Variants in SH3KBP1 observed in about 807,000 individuals in gnomAD.
SH3KBP1 encodes SH3 domain-containing kinase-binding protein 1.
In SH3KBP1, 8 loss-of-function variants were observed where a neutral mutation model predicts 50.1. The ratio of observed to expected loss-of-function variants is 0.16; its 90% confidence interval spans 0.09 to 0.29. The LOEUF is 0.29. Among genes scored for constraint, SH3KBP1 ranks in the 10% least tolerant of loss-of-function variants. The pLI is 1.00. For synonymous variants in SH3KBP1, 227 were observed against 218.6 expected, an observed-to-expected ratio of 1.04 and a Z score of -0.34; for missense variants, 377 against 535.2, an observed-to-expected ratio of 0.70 and a Z score of 2.92.
At chrX:19,645,835 C>T (rs1374365504) in intron 6 of SH3KBP1, among the ~76,000 whole-genome samples, 2 of 111,590 alleles carry the variant, frequency 1.8e-5, no homozygotes, top group African/African-American at 3.3e-5. Context: ...GCTGGCCCAA[C>T]GGAGATGCTC....
At chrX:19,733,992 A>T (rs192191515) in intron 3 of SH3KBP1, among the ~76,000 whole-genome samples, 2 of 112,369 alleles carry the variant, frequency 1.8e-5, no homozygotes. Flanking sequence ...ACTTTTGTCC[A>T]GTAATTCCAC....
intron 4 of SH3KBP1, among the ~76,000 whole-genome samples, chrX:19,703,135 T>C (rs1409502282): frequency 1.8e-5 from 2 of 111,828 alleles, no homozygotes; most frequent in African/African-American, 6.5e-5. Context: ...TCAGGGCTGG[T>C]AGACTCGCTC....
chrX:19,739,417 A>C (rs764349761), intron 3 of SH3KBP1, among the ~76,000 whole-genome samples: 2 of 111,813 alleles, frequency 1.8e-5, no homozygotes, highest in African/African-American at 3.3e-5. Flanking sequence ...TTTGAGGAAA[A>C]ATGGGTTCAA....
chrX:19,623,348 T>C (rs2148223961), intron 8 of SH3KBP1, among the ~76,000 whole-genome samples: 1 of 112,383 alleles, frequency 8.9e-6, no homozygotes, highest in African/African-American at 3.2e-5. Flanking sequence ...CTCATTTTTT[T>C]TCCAAGAGTA....
intron 3 of SH3KBP1, among the ~76,000 whole-genome samples, chrX:19,745,612 T>A (rs1402314692): frequency 1.8e-5 from 2 of 112,055 alleles, no homozygotes; most frequent in Non-Finnish European, 3.8e-5. Flanking sequence ...ATGCTCAGCA[T>A]GTGCCCTGGC....
At position 19,621,243 on chromosome X, in the gene SH3KBP1, T is replaced by C. The variant is rs1194943877; in HGVS notation, c.897+10621A>G. Among the ~76,000 whole-genome samples the C allele has an allele frequency of 1.3e-3, 4 of 3,107 alleles. No homozygotes were observed. The East Asian group carries it at 0.089, about 69-fold the overall frequency. The allele number at this position is 3,107 out of a possible 115,157, so 2.7% of individuals were successfully genotyped here. A position where few individuals can be genotyped will look rare whatever the true frequency, so the allele number is the denominator to read the frequency against. On this transcript the variant is annotated intron_variant, in intron 8 of 17. Transcript: ENST00000397821. ...GTGCCCGCCACCACACCTGGCTAAT[T>C]TTTTTTTTTTTTTTTTTTTGTATTT... is the stretch of plus-strand genomic sequence containing the variant.
chrX:19,792,054 A>C (rs947861989), intron 2 of SH3KBP1, among the ~76,000 whole-genome samples: 17 of 111,655 alleles, frequency 1.5e-4, no homozygotes, highest in Non-Finnish European at 2.1e-4. Context: ...GAAAGGGTGT[A>C]AGTATGCACA....
chrX:19,796,453 G>T (rs1165856348), intron 2 of SH3KBP1, among the ~76,000 whole-genome samples: 3 of 111,999 alleles, frequency 2.7e-5, no homozygotes, highest in Non-Finnish European at 5.6e-5. Context: ...CATTTAGGTG[G>T]TGCCTTGGGC....
chrX:19,563,172 G>C (rs1403535142), intron 13 of SH3KBP1, among the ~76,000 whole-genome samples: 1 of 112,266 alleles, frequency 8.9e-6, no homozygotes, highest in Non-Finnish European at 1.9e-5. Flanking sequence ...CACAGGCAGA[G>C]GTGAGCACCT....
intron 1 of SH3KBP1, among the ~76,000 whole-genome samples, chrX:19,886,946 T>C (rs1451047901): frequency 2.8e-5 from 3 of 108,251 alleles, no homozygotes; most frequent in African/African-American, 6.8e-5. Context: ...CGGGTGCCCG[T>C]GTCCGCAGCG....
chrX:19,582,027 C>T (rs1240753846), intron 12 of SH3KBP1, among the ~76,000 whole-genome samples: 2 of 111,169 alleles, frequency 1.8e-5, no homozygotes, highest in Non-Finnish European at 3.8e-5. Flanking sequence ...CACTGGGCCT[C>T]CTACCCACAT....
chrX:19,877,029 T>TA (rs1467187950), intron 1 of SH3KBP1, among the ~76,000 whole-genome samples: 2 of 111,484 alleles, frequency 1.8e-5, no homozygotes, highest in Admixed American at 9.6e-5. Flanking sequence ...AATTAAGCTT[T>TA]AAAAAAATCA....
At chrX:19,887,174 C>G (rs1250372227) in intron 1 of SH3KBP1, 133 bp downstream of exon 1, 1 of 508,659 alleles carries the variant, frequency 2.0e-6, no homozygotes, top group African/African-American at 2.5e-5. Flanking sequence ...GCGAGGCAGG[C>G]GAGGGCGCCC....
At chrX:19,540,691 A>G (rs1263247464) in intron 16 of SH3KBP1, among the ~76,000 whole-genome samples, 2 of 111,514 alleles carry the variant, frequency 1.8e-5, no homozygotes, top group Non-Finnish European at 3.8e-5. Flanking sequence ...CAATCCAAGG[A>G]GGCCAGTCAC....
chrX:19,567,249 T>C lies in SH3KBP1; in HGVS notation c.1384+1854A>G, dbSNP rs187563829. Among the ~76,000 whole-genome samples the C allele has an allele frequency of 3.0e-3, 327 of 108,428 alleles. 1 individual carries two copies. Among genetic ancestry groups the C allele is most frequent in the African/African-American group, 0.01 (297 of 29,625 alleles). The allele number at this position is 108,428 out of a possible 115,157, so 94.2% of individuals were successfully genotyped here. ...TGATAAAATTGCAGGCTGGGTGCGG[T>C]AGCTCACAGCTGTAATCCCGGAACT... On this transcript the variant is annotated intron_variant, in intron 13 of 17. Transcript: ENST00000397821.
intron 1 of SH3KBP1, among the ~76,000 whole-genome samples, chrX:19,883,834 T>C (rs1395787328): frequency 9.0e-6 from 1 of 111,705 alleles, no homozygotes; most frequent in Non-Finnish European, 1.9e-5. Flanking sequence ...AGCTGTGGCC[T>C]GCCTCCAATG....
At chrX:19,764,668 A>G (rs1352145177) in intron 2 of SH3KBP1, among the ~76,000 whole-genome samples, 1 of 111,857 alleles carries the variant, frequency 8.9e-6, no homozygotes, top group Non-Finnish European at 1.9e-5. Context: ...GTGCATTATC[A>G]TTAAATCTTT....
intron 2 of SH3KBP1, among the ~76,000 whole-genome samples, chrX:19,759,402 C>T (rs963817905): frequency 3.6e-5 from 4 of 111,749 alleles, no homozygotes; most frequent in Non-Finnish European, 7.5e-5. Flanking sequence ...GTGACCAGCA[C>T]GAGGGCCAAC....
chrX:19,850,207 C>T (rs1251213795), intron 1 of SH3KBP1, among the ~76,000 whole-genome samples: 3 of 111,052 alleles, frequency 2.7e-5, no homozygotes, highest in Admixed American at 9.6e-5. Context: ...CTTTTAGAGA[C>T]AGAGTCTTGC....
Sources: gnomAD v4.1 joint callset for allele counts (sites outside exome capture counted in the v4.1 genomes callset) on GRCh38, gnomAD v4.1.1 for gene constraint, MANE v1.5 for transcripts, NCBI Gene and HGNC (gene_info 2026-07-23, HGNC 2026-07-21) for gene names.